Variants in CCDC174 observed in about 807,000 individuals in gnomAD.
CCDC174 encodes the protein coiled-coil domain-containing protein 174.
Under a neutral mutation model 57.1 loss-of-function variants are expected in CCDC174, and 37 were observed. The observed-to-expected ratio is 0.65, with a 90% CI of 0.50 to 0.85. The LOEUF (loss-of-function observed/expected upper bound fraction) is 0.85. Ranked by LOEUF, CCDC174 falls within the 40% of genes least tolerant of loss-of-function variation. CCDC174 has a pLI of 0.00. For synonymous variants in CCDC174, 182 were observed against 190.2 expected, an observed-to-expected ratio of 0.96 and a Z score of 0.35; for missense variants, 540 against 574.3, an observed-to-expected ratio of 0.94 and a Z score of 0.61.
rs1276595615 is a variant in CCDC174, at chr3:14,671,025, G to A, written c.1235G>A (p.Ser412Asn). The change falls in exon 11 of 11, where the codon AGC becomes AAC. Residue 412 changes from serine to asparagine, a missense_variant. Transcript: ENST00000383794. The part of the protein sequence containing the change: ...RTGFSSSQAW[S>N]RPGPAQSDPG... ...GGTTTTTCCAGCAGCCAGGCATGGAGCAGACCTGGGCCAGCACAGAGTGAC... is the reference window on the plus strand; with the variant it reads ...GGTTTTTCCAGCAGCCAGGCATGGAACAGACCTGGGCCAGCACAGAGTGAC... 3.7e-6 allele frequency: 6 copies of A among 1,614,052 alleles called. No homozygotes were observed. Among genetic ancestry groups the A allele is most frequent in the Non-Finnish European group, 4.2e-6 (5 of 1,180,040 alleles).
Position 14,671,462 on chromosome 3 carries a change from A to G in CCDC174, c.*268A>G. The G allele has an allele frequency of 4.8e-6, 2 of 417,094 alleles. No individual in the cohort carries two copies. The highest frequency in any genetic ancestry group is 8.2e-5 in the East Asian group (2 of 24,490). 25.8% of individuals were successfully genotyped at this position (417,094 alleles called of 1,614,324 possible). On this transcript the variant is annotated 3_prime_UTR_variant, in exon 11 of 11. Transcript: ENST00000383794. Reference sequence around the variant, plus strand: ...AGAAGTATTTATTCTGTAAAATTAGACACTGAGATGTGCTTATAACCCTGT... The same window carrying G: ...AGAAGTATTTATTCTGTAAAATTAGGCACTGAGATGTGCTTATAACCCTGT...
At chr3:14,665,948 G>C (rs1340312921) in intron 6 of CCDC174, among the ~76,000 whole-genome samples, 1 of 147,900 alleles carries the variant, frequency 6.8e-6, no homozygotes, top group Non-Finnish European at 1.5e-5. Context: ...TGAGGCAGGA[G>C]AATGGCGTGA....
chr3:14,669,703 A>G lies in CCDC174; in HGVS notation c.953-231A>G, dbSNP rs553039307. Among the ~76,000 whole-genome samples the G allele has an allele frequency of 2.0e-5, 3 of 152,262 alleles. No individual in the cohort carries two copies. In the East Asian group the frequency reaches 5.8e-4, roughly 29 times the overall value. On this transcript the variant is annotated intron_variant, in intron 9 of 10. Coordinates refer to ENST00000383794, the MANE Select transcript of CCDC174 (RefSeq NM_016474.5). ...TACCTGTGTACCATTTCTGAGCTTA[A>G]TTTTCCCCCTCTATAAAATGGGGAT...
rs1377429976 is a variant in CCDC174 at position 14,653,986 on chromosome 3, A to T, written c.43-440A>T. 3.9e-5 allele frequency among the ~76,000 whole-genome samples: 6 copies of T among 152,348 alleles called. No homozygotes were observed. The South Asian group carries it at 8.3e-4, about 21-fold the overall frequency. ...TTGTAGGCTCTTTGAGGCAGAGAGT[A>T]TGTCTAATTCATGTTTATGTTCTGC... On this transcript the variant is annotated intron_variant, in intron 1 of 10. Transcript: ENST00000383794.
chr3:14,663,918 C>T (rs187596586), intron 5 of CCDC174, among the ~76,000 whole-genome samples: 29 of 152,256 alleles, frequency 1.9e-4, no homozygotes, highest in South Asian at 2.1e-4. Context: ...TTAAATTAAG[C>T]TCCAGAATTG....
Position 14,654,490 on chromosome 3 carries a change from A to G in CCDC174, c.107A>G (p.Lys36Arg), listed in dbSNP as rs763001080. The G allele has an allele frequency of 4.5e-5, 73 of 1,606,952 alleles. No individual in the cohort carries two copies. The highest frequency in any genetic ancestry group is 6.1e-5 in the Non-Finnish European group (72 of 1,176,056). ...QEEFKQEKLLKDSGVFGKPKT... is the reference protein window; with the variant it reads ...QEEFKQEKLLRDSGVFGKPKT... ...GAATTCAAACAAGAAAAACTTCTAA[A>G]AGATTCTGGAGTTTTTGGAAAACCA... Residue 36 changes from lysine to arginine, a missense_variant, in exon 2 of 11, where the codon AAA becomes AGA. Lys to Arg is a conservative substitution (Grantham distance 26). Coordinates refer to ENST00000383794, the MANE Select transcript of CCDC174 (RefSeq NM_016474.5).
At chr3:14,662,566 T>G (rs977914778) in intron 5 of CCDC174, among the ~76,000 whole-genome samples, 1 of 152,136 alleles carries the variant, frequency 6.6e-6, no homozygotes, top group African/African-American at 2.4e-5. Context: ...ACCTAAGATA[T>G]TATTGTTTGG....
intron 6 of CCDC174, among the ~76,000 whole-genome samples, chr3:14,665,349 T>A (rs998008354): frequency 6.6e-6 from 1 of 152,212 alleles, no homozygotes; most frequent in Non-Finnish European, 1.5e-5. Flanking sequence ...GAGCTGTCTC[T>A]TTTACTTGGA....
intron 1 of CCDC174, 37 bp downstream of exon 1, chr3:14,651,915 G>A: frequency 1.2e-6 from 2 of 1,603,424 alleles, no homozygotes; most frequent in Non-Finnish European, 1.7e-6. Context: ...CGGGCTCCGG[G>A]TTCACCGTGT....
intron 6 of CCDC174, among the ~76,000 whole-genome samples, chr3:14,666,571 C>G (rs563032615): frequency 6.6e-6 from 1 of 151,654 alleles, no homozygotes; most frequent in Non-Finnish European, 1.5e-5. Context: ...TGCAGTGAGC[C>G]GAGATCGTGC....
intron 3 of CCDC174, among the ~76,000 whole-genome samples, chr3:14,656,936 C>T (rs2030978221): frequency 6.6e-6 from 1 of 152,166 alleles, no homozygotes; most frequent in African/African-American, 2.4e-5. Context: ...GGTTGCTCAG[C>T]AATCTTGGGT....
chr3:14,661,591 A>T lies in CCDC174; in HGVS notation c.369A>T (p.Lys123Asn). The T allele has an allele frequency of 6.2e-7, 1 of 1,614,220 alleles. No homozygotes were observed. The part of the protein sequence containing the change: ...DFTQKIIDKR[K>N]EMEASGAHRD... The stretch of plus-strand genomic sequence containing the variant: ...CACAGAAGATCATAGACAAGCGCAA[A>T]GAAATGGAGGCATCTGGTGCCCATA... The change falls in exon 5 of 11, where the codon AAA becomes AAT. Residue 123 changes from lysine to asparagine, a missense_variant. Physicochemically the swap from Lys to Asn is moderately conservative, Grantham distance 94. Transcript: ENST00000383794.
At chr3:14,668,961 C>T (rs1022111594) in intron 9 of CCDC174, among the ~76,000 whole-genome samples, 1 of 152,204 alleles carries the variant, frequency 6.6e-6, no homozygotes, top group African/African-American at 2.4e-5. Flanking sequence ...CTCACCTGTT[C>T]ATGATCCAGC....
chr3:14,660,972 C>G (rs570989874), intron 4 of CCDC174, among the ~76,000 whole-genome samples: 1 of 152,350 alleles, frequency 6.6e-6, no homozygotes, highest in East Asian at 1.9e-4. Flanking sequence ...TCTTGCATAT[C>G]TGTATATGCC....
intron 3 of CCDC174, among the ~76,000 whole-genome samples, chr3:14,656,953 A>G (rs1001837485): frequency 3.3e-5 from 5 of 152,202 alleles, no homozygotes; most frequent in African/African-American, 1.2e-4. Flanking sequence ...GGGTCTGAAG[A>G]TAGAAGGCAG....
chr3:14,654,100 A>G (rs2030870221), intron 1 of CCDC174, among the ~76,000 whole-genome samples: 3 of 152,232 alleles, frequency 2.0e-5, no homozygotes, highest in Admixed American at 1.3e-4. Flanking sequence ...AAGGTGCTTA[A>G]TAATGCAAGT....
chr3:14,664,088 T>G (rs2031239414), intron 5 of CCDC174, among the ~76,000 whole-genome samples: 1 of 152,226 alleles, frequency 6.6e-6, no homozygotes, highest in South Asian at 2.1e-4. Context: ...TTGCTGCAGT[T>G]GGAGGTTTTA....
At chr3:14,655,949 C>G (rs1279206620) in intron 3 of CCDC174, among the ~76,000 whole-genome samples, 7 of 152,238 alleles carry the variant, frequency 4.6e-5, no homozygotes, top group African/African-American at 1.4e-4. Flanking sequence ...AAACCCTAAA[C>G]TTCCCCCCCA....
In CCDC174 at chr3:14,671,082, C is replaced by T; in HGVS notation, c.1292C>T (p.Pro431Leu). The T allele has an allele frequency of 6.2e-7, 1 of 1,614,184 alleles. No homozygotes were observed. Among genetic ancestry groups the T allele is most frequent in the Non-Finnish European group, 8.5e-7 (1 of 1,180,028 alleles). Residue 431 changes from proline (P) to leucine (L), a missense_variant, in exon 11 of 11, where the codon CCT becomes CTT. Pro to Leu is a moderately conservative substitution (Grantham distance 98). Transcript: ENST00000383794. Reference sequence around the variant, plus strand: ...CAGTGCCCTGACCAGAGCCACGGACCTAGCCCTGAACATACGTCACCCACT... The same window carrying T: ...CAGTGCCCTGACCAGAGCCACGGACTTAGCCCTGAACATACGTCACCCACT... ...PGQCPDQSHG[P>L]SPEHTSPTPA...
Sources: gnomAD v4.1 joint callset for allele counts (sites outside exome capture counted in the v4.1 genomes callset) on GRCh38, gnomAD v4.1.1 for gene constraint, MANE v1.5 for transcripts, NCBI Gene and HGNC (gene_info 2026-07-23, HGNC 2026-07-21) for gene names.